PARPBP: variants seen among roughly 807,000 people sequenced by gnomAD.
The protein encoded by PARPBP is PCNA-interacting partner.
A neutral mutation model predicts 50.0 loss-of-function variants in PARPBP; 52 were observed. The ratio of observed to expected loss-of-function variants is 1.04; its 90% CI spans 0.83 to 1.31. The LOEUF (loss-of-function observed/expected upper bound fraction) is 1.31, where lower values mean the gene tolerates loss of function less well. PARPBP is among the 50% of genes most tolerant of loss of function. PARPBP has a pLI of 0.00. For synonymous variants in PARPBP, 244 were observed against 232.1 expected, an observed-to-expected ratio of 1.05 and a Z score of -0.47; for missense variants, 697 against 672.0, an observed-to-expected ratio of 1.04 and a Z score of -0.41.
chr12:102,137,233 G>A (rs900424587), intron 2 of PARPBP, among the ~76,000 whole-genome samples: 9 of 152,158 alleles, frequency 5.9e-5, no homozygotes, highest in South Asian at 2.1e-4. Flanking sequence ...AATTACAGGC[G>A]TGAACCACCA....
chr12:102,158,003 C>T (rs536081686), intron 4 of PARPBP, among the ~76,000 whole-genome samples: 1 of 151,350 alleles, frequency 6.6e-6, no homozygotes, highest in South Asian at 2.1e-4. Context: ...GCCTGTAGTC[C>T]CAGCTACTCT....
At chr12:102,127,381 G>A (rs1383915311) in intron 2 of PARPBP, among the ~76,000 whole-genome samples, 4 of 148,266 alleles carry the variant, frequency 2.7e-5, no homozygotes, top group Admixed American at 1.3e-4. Context: ...GCAACAAAAC[G>A]AGAACCTATC....
intron 4 of PARPBP, among the ~76,000 whole-genome samples, chr12:102,163,979 CCTT>C (rs1336475523): frequency 2.6e-5 from 4 of 152,050 alleles, no homozygotes; most frequent in Admixed American, 1.3e-4. Context: ...GGGGGGCACA[CCTT>C]CTTTTTTCTT....
chr12:102,151,302 T>C (rs892077147), intron 3 of PARPBP, among the ~76,000 whole-genome samples: 7 of 152,192 alleles, frequency 4.6e-5, no homozygotes, highest in Non-Finnish European at 7.3e-5. Flanking sequence ...TGCTTCATGA[T>C]GCTGGGCTCT....
Position 102,197,502 on chromosome 12 carries a change from CAA to C in PARPBP, c.*1212_*1213del, listed in dbSNP as rs751321694. ...TTTAAATTTTCATTGAAATAAACGA[CAA>C]GTCACATTGCCACTTACCTTTGAAA... On this transcript the variant is annotated 3_prime_UTR_variant, in exon 11 of 11. Coordinates refer to ENST00000327680, the MANE Select transcript of PARPBP (RefSeq NM_017915.5). 5 of 1,578,370 alleles carry C rather than the reference CAA, an allele frequency of 3.2e-6. No homozygotes were observed. The highest frequency in any genetic ancestry group is 1.4e-5 in the African/African-American group (1 of 73,354).
chr12:102,196,299 TC>T lies in PARPBP; in HGVS notation c.*9del, dbSNP rs1328818903. On this transcript the variant is annotated 3_prime_UTR_variant, in exon 11 of 11. Coordinates refer to ENST00000327680, the MANE Select transcript of PARPBP (RefSeq NM_017915.5). ...CAGTTTTTTAGACTATAAATTTGTG[TC>T]TTATATGCTTTAGGTTTATGTATCT... 6 of 1,525,348 alleles carry T rather than the reference TC, an allele frequency of 3.9e-6. No individual in the cohort carries two copies. The highest frequency in any genetic ancestry group is 5.3e-6 in the Non-Finnish European group (6 of 1,127,744). The allele number at this position is 1,525,348 out of a possible 1,614,324, so 94.5% of individuals were successfully genotyped here. A position where few individuals can be genotyped will look rare whatever the true frequency, so the allele number is the denominator to read the frequency against.
intron 6 of PARPBP, among the ~76,000 whole-genome samples, chr12:102,170,297 T>G (rs1888561069): frequency 1.3e-5 from 2 of 152,244 alleles, no homozygotes; most frequent in South Asian, 4.1e-4. Flanking sequence ...GAATATGCTC[T>G]CAGAAATGCA....
At chr12:102,141,737 A>T (rs1884635734) in intron 2 of PARPBP, among the ~76,000 whole-genome samples, 1 of 152,060 alleles carries the variant, frequency 6.6e-6, no homozygotes, top group Non-Finnish European at 1.5e-5. Context: ...TTTCTCCTTC[A>T]CTTATGAAGC....
At chr12:102,181,520 A>G (rs1008166994) in intron 8 of PARPBP, among the ~76,000 whole-genome samples, 5 of 152,184 alleles carry the variant, frequency 3.3e-5, no homozygotes, top group African/African-American at 9.7e-5. Context: ...ACATAAAGGT[A>G]AGTATTTATG....
At chr12:102,169,515 T>G (rs1888477244) in intron 6 of PARPBP, among the ~76,000 whole-genome samples, 1 of 152,160 alleles carries the variant, frequency 6.6e-6, no homozygotes, top group Non-Finnish European at 1.5e-5. Flanking sequence ...CCTAAATACA[T>G]TCACTCACTA....
At chr12:102,121,544 T>C (rs532423975) in intron 1 of PARPBP, among the ~76,000 whole-genome samples, 2 of 131,096 alleles carry the variant, frequency 1.5e-5, no homozygotes, top group South Asian at 5.1e-4. Context: ...ATAGTAATGC[T>C]CTTTTTTTTT....
Position 102,196,538 on chromosome 12 carries a change from T to C in PARPBP, c.*247T>C, listed in dbSNP as rs891473842. Reference sequence around the variant, plus strand: ...ACTGATACATCTTAACACTACTTTCTTTTAAAACAGACATTTAACATACAC... The same window carrying C: ...ACTGATACATCTTAACACTACTTTCCTTTAAAACAGACATTTAACATACAC... On this transcript the variant is annotated 3_prime_UTR_variant, in exon 11 of 11. Coordinates refer to ENST00000327680, the MANE Select transcript of PARPBP (RefSeq NM_017915.5). 2 of 849,532 alleles carry C rather than the reference T, an allele frequency of 2.4e-6. No homozygotes were observed. Among genetic ancestry groups the C allele is most frequent in the Non-Finnish European group, 4.0e-6 (2 of 497,210 alleles). 52.6% of individuals were successfully genotyped at this position (849,532 alleles called of 1,614,324 possible).
intron 4 of PARPBP, among the ~76,000 whole-genome samples, chr12:102,158,010 C>G (rs1384157905): frequency 6.6e-6 from 1 of 150,764 alleles, no homozygotes; most frequent in Non-Finnish European, 1.5e-5. Flanking sequence ...GTCCCAGCTA[C>G]TCTGGAGGCT....
chr12:102,141,929 C>T (rs1884666964), intron 2 of PARPBP, among the ~76,000 whole-genome samples: 1 of 152,146 alleles, frequency 6.6e-6, no homozygotes, highest in Non-Finnish European at 1.5e-5. Context: ...TTTTTTCCTT[C>T]AGTTCAACTT....
At chr12:102,154,071 AT>A in intron 4 of PARPBP, 95 bp downstream of exon 4, 1 of 717,014 alleles carries the variant, frequency 1.4e-6, no homozygotes, top group Non-Finnish European at 2.4e-6. Flanking sequence ...CTTTGTAAAA[AT>A]TTTTTTAACA....
At chr12:102,141,288 A>C (rs1594483241) in intron 2 of PARPBP, among the ~76,000 whole-genome samples, 2 of 151,342 alleles carry the variant, frequency 1.3e-5, no homozygotes, top group African/African-American at 4.8e-5. Flanking sequence ...CTGTTTTATC[A>C]GAGACTAGGA....
intron 4 of PARPBP, among the ~76,000 whole-genome samples, chr12:102,163,593 C>T (rs773692219): frequency 3.3e-5 from 5 of 152,152 alleles, no homozygotes; most frequent in Non-Finnish European, 7.4e-5. Context: ...TAAATTGTCT[C>T]ATTAATCCCT....
rs188124504 is a variant in PARPBP, at chr12:102,130,008, G to A, written c.153+5967G>A. On this transcript the variant is annotated intron_variant, in intron 2 of 10. Transcript: ENST00000327680. ...CTTCAAACTGTATTAAAGGGCTACA[G>A]TAACCAAAACAGCATGGTATTGGTA... Among the ~76,000 whole-genome samples the A allele has an allele frequency of 2.4e-3, 365 of 152,284 alleles. 2 individuals are homozygous for A. Among genetic ancestry groups the A allele is most frequent in the Non-Finnish European group, 3.0e-3 (202 of 68,022 alleles).
chr12:102,197,059 T>C lies in PARPBP; in HGVS notation c.*768T>C, dbSNP rs752500481. The C allele has an allele frequency of 6.2e-6, 10 of 1,612,170 alleles. No homozygotes were observed. The South Asian group carries it at 9.9e-5, about 16-fold the overall frequency. ...CTTTTCTTGTGTTGATTCAGTATTC[T>C]GAACTCCATTCTCAGCTGGGAAAGC... On this transcript the variant is annotated 3_prime_UTR_variant, in exon 11 of 11. Transcript: ENST00000327680.
Sources: allele counts gnomAD v4.1 joint callset (sites outside exome capture counted in the v4.1 genomes callset), GRCh38; gene constraint gnomAD v4.1.1; transcripts MANE v1.5; gene names NCBI Gene and HGNC (gene_info 2026-07-23, HGNC 2026-07-21).